Variants in LRP1B observed in about 807,000 individuals in gnomAD.
LRP1B encodes LDL receptor related protein 1B, also known as low-density lipoprotein receptor-related protein 1B.
A neutral mutation model predicts 556.6 loss-of-function variants in LRP1B; 217 were observed. The ratio of observed to expected loss-of-function variants is 0.39; its 90% CI spans 0.35 to 0.44. The LOEUF (loss-of-function observed/expected upper bound fraction) is 0.44, where lower values mean the gene tolerates loss of function less well. Among genes scored for constraint, LRP1B ranks in the 20% least tolerant of loss-of-function variants. The pLI is 1.00. For missense variants in LRP1B, 5,053 were observed against 5,620.8 expected (o/e 0.90, Z 3.23); for synonymous variants, 2,047 against 1,865.8 (o/e 1.10, Z -2.50).
chr2:140,596,560 C>A lies in LRP1B; in HGVS notation c.7194+2071G>T, dbSNP rs117604619. Reference sequence around the variant, plus strand: ...GTAATGAATTGAAATATTTACTGTGCAAAGTGTTTATGGGTAACATATTAA... The same window carrying A: ...GTAATGAATTGAAATATTTACTGTGAAAAGTGTTTATGGGTAACATATTAA... On this transcript the variant is annotated intron_variant, in intron 43 of 90. Transcript: ENST00000389484. Among the ~76,000 whole-genome samples the A allele has an allele frequency of 1.8e-3, 270 of 152,180 alleles. 4 individuals carry two copies. The South Asian group carries it at 0.035, about 20-fold the overall frequency.
At chr2:140,527,847 G>GT (rs1690503279) in intron 47 of LRP1B, among the ~76,000 whole-genome samples, 1 of 151,786 alleles carries the variant, frequency 6.6e-6, no homozygotes, top group Admixed American at 6.6e-5. Flanking sequence ...TCTACTAGTA[G>GT]TTTCTTACTA....
intron 1 of LRP1B, among the ~76,000 whole-genome samples, chr2:141,977,037 CT>C (rs770241671): frequency 3.0e-4 from 46 of 152,060 alleles, no homozygotes; most frequent in Non-Finnish European, 5.4e-4. Context: ...TGCATGAAGT[CT>C]AGATGGAGTC....
chr2:140,653,021 T>C (rs968635322), intron 41 of LRP1B, among the ~76,000 whole-genome samples: 1 of 152,074 alleles, frequency 6.6e-6, no homozygotes, highest in Non-Finnish European at 1.5e-5. Context: ...GTTTGAGGAA[T>C]ATCTCCAACA....
chr2:140,274,437 CT>C lies in LRP1B; in HGVS notation c.13128del (p.Asp4377IlefsTer78). On this transcript the variant is annotated frameshift_variant, in exon 85 of 91. Transcript: ENST00000389484. LOFTEE classifies it high-confidence loss of function. Reference protein sequence around the residue: ...GGHCIINKDSEDIFCNCTNGK... With the variant: ...GGHCIINKDSXDIFCNCTNGK... ...GTGTCCACTTACTTGCAAAATATAT[CT>C]TCACTGTCTTTATTTATAATGCAGT... 1 of 1,612,178 alleles carries C rather than the reference CT, an allele frequency of 6.2e-7. No individual in the cohort carries two copies. Among genetic ancestry groups the C allele is most frequent in the Non-Finnish European group, 8.5e-7 (1 of 1,178,812 alleles).
chr2:140,264,691 A>T (rs63417560), intron 86 of LRP1B, among the ~76,000 whole-genome samples: 1 of 130,756 alleles, frequency 7.6e-6, no homozygotes, highest in Admixed American at 8.1e-5. Context: ...AAAAAAAAAA[A>T]TTGTCTATAT....
At chr2:141,575,734 C>T (rs1452069039) in intron 2 of LRP1B, among the ~76,000 whole-genome samples, 7 of 147,524 alleles carry the variant, frequency 4.7e-5, no homozygotes. Context: ...TTATAATGAA[C>T]TTAAACAATA....
At chr2:140,843,217 A>T (rs1414464572) in intron 29 of LRP1B, among the ~76,000 whole-genome samples, 1 of 151,742 alleles carries the variant, frequency 6.6e-6, no homozygotes, top group Non-Finnish European at 1.5e-5. Context: ...TCCACTCCTA[A>T]ATTGTAAAGC....
chr2:141,746,838 C>T (rs1253734088), intron 2 of LRP1B, among the ~76,000 whole-genome samples: 3 of 152,046 alleles, frequency 2.0e-5, no homozygotes, highest in South Asian at 2.1e-4. Flanking sequence ...GTGATATTAC[C>T]TATGTGGTAT....
intron 41 of LRP1B, among the ~76,000 whole-genome samples, chr2:140,608,103 C>A (rs1682936655): frequency 6.6e-6 from 1 of 151,780 alleles, no homozygotes; most frequent in Non-Finnish European, 1.5e-5. Context: ...AAAATTAAAA[C>A]AAGAAGCAAT....
At chr2:141,191,211 C>G (rs1681490933) in intron 6 of LRP1B, among the ~76,000 whole-genome samples, 3 of 152,076 alleles carry the variant, frequency 2.0e-5, no homozygotes, top group Admixed American at 1.3e-4. Context: ...ATGAATGCTT[C>G]TGTGTCACAT....
At chr2:141,584,656 A>C (rs1204061179) in intron 2 of LRP1B, among the ~76,000 whole-genome samples, 1 of 152,202 alleles carries the variant, frequency 6.6e-6, no homozygotes, top group Admixed American at 6.5e-5. Context: ...ACACACACAC[A>C]ACTATCATGA....
chr2:141,235,699 T>C (rs1389289484), intron 5 of LRP1B, among the ~76,000 whole-genome samples: 4 of 152,158 alleles, frequency 2.6e-5, no homozygotes, highest in Non-Finnish European at 4.4e-5. Context: ...TAATAGTTAA[T>C]GTTTTCCGAG....
At chr2:141,947,258 T>G (rs1416008412) in intron 1 of LRP1B, among the ~76,000 whole-genome samples, 1 of 151,712 alleles carries the variant, frequency 6.6e-6, no homozygotes, top group African/African-American at 2.4e-5. Flanking sequence ...ATGGTGAAAC[T>G]GTGTCTCTAC....
chr2:141,243,671 T>A (rs1683963494), intron 5 of LRP1B, among the ~76,000 whole-genome samples: 1 of 152,146 alleles, frequency 6.6e-6, no homozygotes, highest in South Asian at 2.1e-4. Context: ...GGAAATTACT[T>A]TTTTGAAGAT....
At chr2:141,081,489 T>C (rs1699921528) in intron 7 of LRP1B, among the ~76,000 whole-genome samples, 1 of 152,220 alleles carries the variant, frequency 6.6e-6, no homozygotes, top group African/African-American at 2.4e-5. Context: ...TAGGGTGCTC[T>C]TTCTTGCAAG....
chr2:140,518,819 G>A (rs1037363568), intron 49 of LRP1B, among the ~76,000 whole-genome samples: 53 of 152,126 alleles, frequency 3.5e-4, no homozygotes, highest in Non-Finnish European at 7.2e-4. Flanking sequence ...ATCAGCTTAA[G>A]GAGATTTTGG....
At chr2:140,645,943 C>T (rs1684467949) in intron 41 of LRP1B, among the ~76,000 whole-genome samples, 1 of 151,944 alleles carries the variant, frequency 6.6e-6, no homozygotes, top group Non-Finnish European at 1.5e-5. Context: ...ATTTTTCCTA[C>T]TCCTTATTAT....
rs558898212 is a variant in LRP1B, at chr2:140,313,968, A to T, written c.12805+967T>A. The stretch of plus-strand genomic sequence containing the variant: ...GACATAAAATTATCTAACTTTTCCT[A>T]TTAGAGTGCATTTCAGAAACAGCTT... On this transcript the variant is annotated intron_variant, in intron 83 of 90. Transcript: ENST00000389484. Among the ~76,000 whole-genome samples the T allele has an allele frequency of 1.1e-3, 164 of 152,052 alleles. 1 individual carries two copies. Among genetic ancestry groups the T allele is most frequent in the Non-Finnish European group, 2.0e-3 (134 of 67,866 alleles).
rs79564579 is a variant in LRP1B, at chr2:141,079,663, T to C, written c.1014-17390A>G. 5.6e-3 allele frequency among the ~76,000 whole-genome samples: 846 copies of C among 152,318 alleles called. 12 individuals are homozygous for C. The highest frequency in any genetic ancestry group is 0.019 in the African/African-American group (776 of 41,570). ...TTTTCAAAGACAGCACTATTTCAGT[T>C]AGAACTTACACTAGTCTGTATACAA... On this transcript the variant is annotated intron_variant, in intron 7 of 90. Coordinates refer to ENST00000389484, the MANE Select transcript of LRP1B (RefSeq NM_018557.3).
Sources: allele counts gnomAD v4.1 joint callset (sites outside exome capture counted in the v4.1 genomes callset), GRCh38; gene constraint gnomAD v4.1.1; transcripts MANE v1.5; gene names NCBI Gene and HGNC (gene_info 2026-07-23, HGNC 2026-07-21).